The following RIPOR2 variants were observed in gnomAD, a reference collection of about 807,000 sequenced individuals.
RIPOR2 encodes rho family-interacting cell polarization regulator 2.
A neutral mutation model predicts 114.5 loss-of-function variants in RIPOR2; 39 were observed. The observed-to-expected ratio is 0.34, with a 90% CI of 0.26 to 0.44. The LOEUF is 0.44. RIPOR2 is among the 20% of genes least tolerant of loss of function. RIPOR2 has a pLI of 1.00. For synonymous variants in RIPOR2, 445 were observed against 484.4 expected (o/e 0.92, Z 1.07); for missense variants, 1,007 against 1,255.1 (o/e 0.80, Z 2.99).
At chr6:24,884,730 G>A (rs1175328185) in intron 1 of RIPOR2, among the ~76,000 whole-genome samples, 1 of 152,150 alleles carries the variant, frequency 6.6e-6, no homozygotes, top group Non-Finnish European at 1.5e-5. Context: ...AGCATTGTAA[G>A]GTTCAATTGA....
In RIPOR2 at chr6:24,835,886, C is replaced by A. The variant is rs1021389711; in HGVS notation, c.2040-15G>T. 1.3e-6 allele frequency: 2 copies of A among 1,550,910 alleles called. No homozygotes were observed. The highest frequency in any genetic ancestry group is 8.7e-7 in the Non-Finnish European group (1 of 1,146,668). ...CCGACCTGTAACTATTGAAGGTGGG[C>A]AAAACATTAGCTATTCTTTTTCTGT... On this transcript the variant is annotated splice_polypyrimidine_tract_variant and intron_variant, in intron 14 of 21. Coordinates refer to ENST00000643898, the MANE Select transcript of RIPOR2 (RefSeq NM_001286445.3).
At position 24,849,742 on chromosome 6, in the gene RIPOR2, G is replaced by C; in HGVS notation, c.1034+60C>G. 2.0e-6 allele frequency: 3 copies of C among 1,474,044 alleles called. No homozygotes were observed. The South Asian group carries it at 3.5e-5, about 17-fold the overall frequency. The allele number at this position is 1,474,044 out of a possible 1,614,324, so 91.3% of individuals were successfully genotyped here. On this transcript the variant is annotated intron_variant, in intron 11 of 21. Coordinates refer to ENST00000643898, the MANE Select transcript of RIPOR2 (RefSeq NM_001286445.3). ...TGCGGATGGTCCATGCACCAGCTTT[G>C]AGTAGCACTAGCCGGTATCAGATAT... is the stretch of plus-strand genomic sequence containing the variant.
chr6:24,922,918 C>CTG (rs1770610227), intron 1 of RIPOR2, among the ~76,000 whole-genome samples: 3 of 147,990 alleles, frequency 2.0e-5, no homozygotes, highest in African/African-American at 7.4e-5. Flanking sequence ...ACCATCTCAA[C>CTG]TGTTTTTAAG....
upstream of RIPOR2, among the ~76,000 whole-genome samples, chr6:24,936,423 TTTTTCTTTTC>T (rs548137673): frequency 1.3e-5 from 2 of 152,210 alleles, no homozygotes; most frequent in Non-Finnish European, 2.9e-5. Flanking sequence ...AATAGTTGCA[TTTTTCTTTTC>T]TTTTCTTTTC....
chr6:24,890,722 A>G (rs1193400865), intron 1 of RIPOR2, among the ~76,000 whole-genome samples: 1 of 151,226 alleles, frequency 6.6e-6, no homozygotes, highest in African/African-American at 2.4e-5. Flanking sequence ...TGGTGCAATC[A>G]TGGCTCACTA....
intron 20 of RIPOR2, among the ~76,000 whole-genome samples, chr6:24,817,978 C>CTTTT (rs57294288): frequency 8.4e-6 from 1 of 118,366 alleles, no homozygotes; most frequent in African/African-American, 3.1e-5. Context: ...CTCTCTCTCT[C>CTTTT]TTTTTTTTTG....
At chr6:24,849,065 C>T (rs952214391) in intron 11 of RIPOR2, among the ~76,000 whole-genome samples, 1 of 152,106 alleles carries the variant, frequency 6.6e-6, no homozygotes, top group Non-Finnish European at 1.5e-5. Context: ...CCACAATGCC[C>T]AGCTAATTTT....
intron 1 of RIPOR2, among the ~76,000 whole-genome samples, chr6:24,928,095 G>A (rs1771100660): frequency 6.6e-6 from 1 of 152,142 alleles, no homozygotes; most frequent in Non-Finnish European, 1.5e-5. Context: ...TTTCTATTAA[G>A]ATTAAAAATT....
At chr6:24,891,100 T>C (rs2113969561) in intron 1 of RIPOR2, among the ~76,000 whole-genome samples, 1 of 152,290 alleles carries the variant, frequency 6.6e-6, no homozygotes, top group East Asian at 1.9e-4. Flanking sequence ...AACAACCCAG[T>C]GTCAAAGAGT....
In RIPOR2 at chr6:25,029,411, G is replaced by GAAAAAAAA. The variant is rs71544610; in HGVS notation, c.76+12432_76+12439dup. Among the ~76,000 whole-genome samples, 260 of 90,530 alleles carry GAAAAAAAA rather than the reference G, an allele frequency of 2.9e-3. 1 individual carries two copies. Among genetic ancestry groups the GAAAAAAAA allele is most frequent in the Non-Finnish European group, 3.6e-3 (178 of 49,366 alleles). 59.4% of individuals were successfully genotyped at this position (90,530 alleles called of 152,430 possible). ...CAGAGCGAGACTCCGTCTCAAAAAA[G>GAAAAAAAA]AAAAAAAAAAAAAAAAAAAAAAGAA... is the stretch of plus-strand genomic sequence containing the variant. On this transcript the variant is annotated intron_variant, in intron 1 of 13. Transcript: ENST00000510784.
chr6:24,878,604 G>A (rs1460335274), intron 1 of RIPOR2, among the ~76,000 whole-genome samples: 1 of 151,794 alleles, frequency 6.6e-6, no homozygotes, highest in African/African-American at 2.4e-5. Flanking sequence ...ATTGGATCAC[G>A]GTAGTTTAAA....
chr6:24,988,352 T>G (rs1774630744), intron 1 of RIPOR2, among the ~76,000 whole-genome samples: 1 of 152,160 alleles, frequency 6.6e-6, no homozygotes, highest in South Asian at 2.1e-4. Context: ...TTTTGTATTT[T>G]TAGTACAGAC....
chr6:24,885,427 C>A (rs1766743996), intron 1 of RIPOR2, among the ~76,000 whole-genome samples: 1 of 151,950 alleles, frequency 6.6e-6, no homozygotes, highest in Non-Finnish European at 1.5e-5. Context: ...TGTTGCTATG[C>A]TGGCCAGGCT....
At chr6:24,936,095 GGTAATTCTCACCACTGAGGAGAAAGA>G, upstream of RIPOR2, 1 of 545,520 alleles carries the variant, frequency 1.8e-6, no homozygotes, top group Non-Finnish European at 3.3e-6. Context: ...TCCCAGGTGG[GGTAATTCTCACCACTGAGGAGAAAGA>G]ATTTTTTGAA....
Position 24,961,052 on chromosome 6 carries a change from T to C in RIPOR2, c.76+80799A>G, listed in dbSNP as rs569983829. Reference sequence around the variant, plus strand: ...TGAGGAGAGTCGGCTCTGGGCAAGGTGCCATGCTGGACCCCGCTGAGAACA... The same window carrying C: ...TGAGGAGAGTCGGCTCTGGGCAAGGCGCCATGCTGGACCCCGCTGAGAACA... On this transcript the variant is annotated intron_variant, in intron 1 of 13. Coordinates refer to the RIPOR2 transcript ENST00000510784. Among the ~76,000 whole-genome samples the C allele has an allele frequency of 7.9e-5, 12 of 152,268 alleles. No homozygotes were observed. The South Asian group carries it at 2.1e-3, about 26-fold the overall frequency.
rs151228428 is a variant in RIPOR2, at chr6:24,892,273, T to C, written c.62-16456A>G. ...ATCTTGTTTGTACCCGATAGATTTTTTTCTTTTTTTTAAGAGACAAGGTCT... is the reference window on the plus strand; with the variant it reads ...ATCTTGTTTGTACCCGATAGATTTTCTTCTTTTTTTTAAGAGACAAGGTCT... On this transcript the variant is annotated intron_variant, in intron 1 of 21. Coordinates refer to ENST00000643898, the MANE Select transcript of RIPOR2 (RefSeq NM_001286445.3). Among the ~76,000 whole-genome samples, 320 of 152,284 alleles carry C rather than the reference T, an allele frequency of 2.1e-3. 2 individuals are homozygous for C. Among genetic ancestry groups the C allele is most frequent in the African/African-American group, 7.4e-3 (307 of 41,552 alleles).
At chr6:25,014,789 AATT>A (rs1775900193) in intron 1 of RIPOR2, among the ~76,000 whole-genome samples, 2 of 152,212 alleles carry the variant, frequency 1.3e-5, no homozygotes, top group African/African-American at 4.8e-5. Context: ...ACATGGCACA[AATT>A]ATTATGAGTT....
At chr6:24,857,461 C>A (rs1237948808) in intron 8 of RIPOR2, among the ~76,000 whole-genome samples, 2 of 152,168 alleles carry the variant, frequency 1.3e-5, no homozygotes, top group South Asian at 4.1e-4. Context: ...TCCTCCACAG[C>A]CTCGTTTGGA....
chr6:24,935,855 T>A lies in RIPOR2; in HGVS notation c.44A>T (p.Asp15Val). 2 of 1,535,368 alleles carry A rather than the reference T, an allele frequency of 1.3e-6. No homozygotes were observed. The highest frequency in any genetic ancestry group is 1.7e-6 in the Non-Finnish European group (2 of 1,146,684). The change falls in exon 1 of 22, where the codon GAT becomes GTT. Residue 15 changes from aspartate (D) to valine (V), a missense_variant. Physicochemically the swap from Asp to Val is radical, Grantham distance 152. Transcript: ENST00000643898. ...GCATTTACCTTCACCAAAAACATCA[T>A]CCTCTTCATCGACCAGGAGCTCCTC... ...DAEELLVDEE[D>V]DVFGEGLPTR...
Sources: gnomAD v4.1 joint callset for allele counts (sites outside exome capture counted in the v4.1 genomes callset) on GRCh38, gnomAD v4.1.1 for gene constraint, MANE v1.5 for transcripts, NCBI Gene and HGNC (gene_info 2026-07-23, HGNC 2026-07-21) for gene names.